The following FSTL5 variants were observed in gnomAD, a reference collection of about 807,000 sequenced individuals.
The protein encoded by FSTL5 is follistatin like 5.
A neutral mutation model predicts 89.1 loss-of-function variants in FSTL5; 62 were observed. The observed-to-expected ratio is 0.70, with a 90% CI of 0.57 to 0.86. The LOEUF (loss-of-function observed/expected upper bound fraction) is 0.86, where lower values mean the gene tolerates loss of function less well. Ranked by LOEUF, FSTL5 falls within the 40% of genes least tolerant of loss-of-function variation. FSTL5 has a pLI of 0.00. For synonymous variants in FSTL5, 383 were observed against 346.2 expected, an observed-to-expected ratio of 1.11 and a Z score of -1.18; for missense variants, 1,057 against 1,001.6, an observed-to-expected ratio of 1.06 and a Z score of -0.75.
chr4:161,392,401 T>A (rs1167361010), intron 15 of FSTL5, among the ~76,000 whole-genome samples: 1 of 152,046 alleles, frequency 6.6e-6, no homozygotes, highest in African/African-American at 2.4e-5. Flanking sequence ...AATTTTCGTA[T>A]TTTTTGTAGA....
At chr4:161,568,920 T>C (rs1389667323) in intron 8 of FSTL5, among the ~76,000 whole-genome samples, 2 of 152,218 alleles carry the variant, frequency 1.3e-5, no homozygotes, top group Admixed American at 1.3e-4. Flanking sequence ...TCTTTAGTTA[T>C]ATAGAAGGAA....
chr4:161,802,071 G>A (rs1428491104), intron 4 of FSTL5, among the ~76,000 whole-genome samples: 1 of 151,550 alleles, frequency 6.6e-6, no homozygotes, highest in African/African-American at 2.4e-5. Context: ...GTGCTATTCT[G>A]TTCATGAAAA....
chr4:161,756,531 C>T (rs912991071), intron 6 of FSTL5, among the ~76,000 whole-genome samples: 4 of 151,940 alleles, frequency 2.6e-5, no homozygotes, highest in African/African-American at 9.7e-5. Context: ...ATCTGTTTTA[C>T]TATATCTTTA....
intron 2 of FSTL5, among the ~76,000 whole-genome samples, chr4:162,084,669 G>A (rs7685887): frequency 0.98 from 149,130 of 152,150 alleles, 73,165 homozygotes; most frequent in East Asian, 1. Context: ...AGAGTAACAC[G>A]GGAACAGAAA....
intron 15 of FSTL5, among the ~76,000 whole-genome samples, chr4:161,406,893 G>T (rs934484454): frequency 6.6e-6 from 1 of 152,014 alleles, no homozygotes. Context: ...GCCCACACCC[G>T]CCTTTTTTAA....
At chr4:161,873,843 G>C (rs1385216285) in intron 4 of FSTL5, among the ~76,000 whole-genome samples, 1 of 150,902 alleles carries the variant, frequency 6.6e-6, no homozygotes, top group East Asian at 1.9e-4. Flanking sequence ...CCACTTTTTT[G>C]CTCGTTCATT....
intron 13 of FSTL5, among the ~76,000 whole-genome samples, chr4:161,460,571 T>C (rs1438182727): frequency 6.6e-6 from 1 of 152,118 alleles, no homozygotes; most frequent in Admixed American, 6.5e-5. Flanking sequence ...AGGTAAACTA[T>C]TGTTGTGGTT....
At chr4:161,842,153 C>A (rs142754608) in intron 4 of FSTL5, among the ~76,000 whole-genome samples, 2 of 152,118 alleles carry the variant, frequency 1.3e-5, no homozygotes, top group Non-Finnish European at 2.9e-5. Context: ...GTCTGTGAAC[C>A]TTTCCGTGTG....
Position 161,620,661 on chromosome 4 carries a change from A to T in FSTL5, c.895-33086T>A, listed in dbSNP as rs373350416. ...ACAAGAATGAAACTCCATCTCAAAA[A>T]CAAAAACAAAAACAAAAACAAAAAA... On this transcript the variant is annotated intron_variant, in intron 7 of 15. Coordinates refer to ENST00000306100, the MANE Select transcript of FSTL5 (RefSeq NM_020116.5). Among the ~76,000 whole-genome samples, 61 of 151,696 alleles carry T rather than the reference A, an allele frequency of 4.0e-4. No individual in the cohort carries two copies. In the South Asian group the frequency reaches 0.012, roughly 30 times the overall value.
intron 4 of FSTL5, among the ~76,000 whole-genome samples, chr4:161,893,370 A>G (rs191753070): frequency 9.9e-5 from 15 of 152,284 alleles, no homozygotes; most frequent in African/African-American, 3.6e-4. Context: ...TAACACTAGA[A>G]AGATTGTTTT....
chr4:162,054,043 T>C (rs140163319), intron 2 of FSTL5, among the ~76,000 whole-genome samples: 4 of 151,906 alleles, frequency 2.6e-5, no homozygotes, highest in Non-Finnish European at 5.9e-5. Context: ...GATGCAAAAT[T>C]GATAAAATAT....
At chr4:161,496,742 G>A (rs866002194) in intron 12 of FSTL5, among the ~76,000 whole-genome samples, 3 of 151,086 alleles carry the variant, frequency 2.0e-5, no homozygotes, top group African/African-American at 4.9e-5. Context: ...TGTGTGAGCC[G>A]ATTCCTTAAA....
chr4:161,437,923 G>C (rs1024973183), intron 15 of FSTL5, among the ~76,000 whole-genome samples: 1 of 152,094 alleles, frequency 6.6e-6, no homozygotes, highest in Non-Finnish European at 1.5e-5. Context: ...AAGAAGACTC[G>C]GGAGTGATAC....
intron 6 of FSTL5, among the ~76,000 whole-genome samples, chr4:161,718,867 G>A (rs2126748301): frequency 6.6e-6 from 1 of 152,164 alleles, no homozygotes; most frequent in Admixed American, 6.5e-5. Context: ...ATGTCAAGGG[G>A]GATCTGAATC....
intron 4 of FSTL5, among the ~76,000 whole-genome samples, chr4:161,796,265 T>C (rs901612292): frequency 3.3e-5 from 5 of 151,844 alleles, no homozygotes; most frequent in Admixed American, 2.6e-4. Context: ...TCACCTGAAC[T>C]CCTTGATCAG....
In FSTL5 at chr4:161,675,737, G is replaced by T. The variant is rs183687463; in HGVS notation, c.728-19243C>A. Among the ~76,000 whole-genome samples, 905 of 151,864 alleles carry T rather than the reference G, an allele frequency of 6.0e-3. 9 individuals carry two copies. The highest frequency in any genetic ancestry group is 0.046 in the South Asian group (219 of 4,810). ...TCTGTAATGTGCTTTAAAGGAAATTGTTTTTTTACTTAAACCTGGAACCAT... is the reference window on the plus strand; with the variant it reads ...TCTGTAATGTGCTTTAAAGGAAATTTTTTTTTTACTTAAACCTGGAACCAT... On this transcript the variant is annotated intron_variant, in intron 6 of 15. Transcript: ENST00000306100.
chr4:161,793,308 C>T (rs1729535591), intron 4 of FSTL5, among the ~76,000 whole-genome samples: 1 of 152,242 alleles, frequency 6.6e-6, no homozygotes, highest in Non-Finnish European at 1.5e-5. Context: ...GTGGGCAGAA[C>T]AAGCCTAGCA....
At chr4:161,682,383 T>A (rs1315741761) in intron 6 of FSTL5, among the ~76,000 whole-genome samples, 1 of 152,216 alleles carries the variant, frequency 6.6e-6, no homozygotes, top group African/African-American at 2.4e-5. Context: ...TTAAATTTTT[T>A]AAAACTTTTT....
At chr4:162,132,943 AT>A (rs546826473) in intron 1 of FSTL5, among the ~76,000 whole-genome samples, 243 of 151,624 alleles carry the variant, frequency 1.6e-3, no homozygotes, top group Non-Finnish European at 2.5e-3. Context: ...TAGTAATGTA[AT>A]TTTTTTTTCT....
Sources: allele counts gnomAD v4.1 joint callset (sites outside exome capture counted in the v4.1 genomes callset), GRCh38; gene constraint gnomAD v4.1.1; transcripts MANE v1.5; gene names NCBI Gene and HGNC (gene_info 2026-07-23, HGNC 2026-07-21).